The following CDON variants were observed in gnomAD, a reference collection of about 807,000 sequenced individuals.
CDON encodes cell adhesion associated, oncogene regulated.
Under a neutral mutation model 120.9 loss-of-function variants are expected in CDON, and 73 were observed. The ratio of observed to expected loss-of-function variants is 0.60; its 90% CI spans 0.50 to 0.73. CDON has a LOEUF of 0.73. Ranked by LOEUF, CDON falls within the 30% of genes least tolerant of loss-of-function variation. The pLI is 0.00. For synonymous variants in CDON, 566 were observed against 573.5 expected (o/e 0.99, Z 0.19); for missense variants, 1,470 against 1,587.3 (o/e 0.93, Z 1.26).
intron 1 of CDON, among the ~76,000 whole-genome samples, chr11:126,038,435 T>C (rs935722696): frequency 6.6e-6 from 1 of 152,130 alleles, no homozygotes; most frequent in African/African-American, 2.4e-5. Context: ...GAGGATCACC[T>C]GAGGTCAGGA....
At chr11:125,996,161 AACACACACACACACACACACACACACAC>A (rs35536827) in intron 12 of CDON, among the ~76,000 whole-genome samples, 1 of 145,934 alleles carries the variant, frequency 6.9e-6, no homozygotes, top group Non-Finnish European at 1.5e-5. Flanking sequence ...GTCACAGCAA[AACACACACACACACACACACACACACAC>A]ACACACACAC....
chr11:126,027,259 C>G lies in CDON; in HGVS notation c.-61-3722G>C, dbSNP rs185628090. On this transcript the variant is annotated intron_variant, in intron 1 of 19. Transcript: ENST00000531738. ...TGCTGTTTTATGGAGTTGGGTAGCT[C>G]GACATTAGAGTCAACAGCCAGTAAC... Among the ~76,000 whole-genome samples, 33 of 152,192 alleles carry G rather than the reference C, an allele frequency of 2.2e-4. No homozygotes were observed. The East Asian group carries it at 5.0e-3, about 23-fold the overall frequency.
intron 1 of CDON, among the ~76,000 whole-genome samples, chr11:126,037,126 A>G (rs1020288968): frequency 6.7e-5 from 10 of 148,622 alleles, no homozygotes; most frequent in African/African-American, 2.5e-4. Context: ...TGGAAGATGG[A>G]GTCTCTCTCT....
At chr11:126,030,408 C>T (rs1200129651) in intron 1 of CDON, among the ~76,000 whole-genome samples, 1 of 152,194 alleles carries the variant, frequency 6.6e-6, no homozygotes, top group African/African-American at 2.4e-5. Flanking sequence ...CATTCCTCTT[C>T]CTAGCCTCCT....
chr11:126,010,241 G>A lies in CDON; in HGVS notation c.1552+100C>T, dbSNP rs1431159303. The stretch of plus-strand genomic sequence containing the variant: ...CACTGTCATCAGGAAAAAATATAGA[G>A]AGATTGCTGGATTCATTAAAATAAC... On this transcript the variant is annotated intron_variant, in intron 8 of 19. Transcript: ENST00000531738. 11 of 850,222 alleles carry A rather than the reference G, an allele frequency of 1.3e-5. No homozygotes were observed. In the African/African-American group the frequency reaches 1.7e-4, roughly 13 times the overall value. The allele number at this position is 850,222 out of a possible 1,614,324, so 52.7% of individuals were successfully genotyped here.
chr11:126,035,856 G>A (rs1948079693), intron 1 of CDON, among the ~76,000 whole-genome samples: 1 of 152,102 alleles, frequency 6.6e-6, no homozygotes, highest in Non-Finnish European at 1.5e-5. Context: ...TGAAGTTTTA[G>A]TCCAAGCAGA....
At position 125,960,914 on chromosome 11, in the gene CDON, TG is replaced by T. The variant is rs1356358080; in HGVS notation, c.*27del. 1 of 1,612,514 alleles carries T rather than the reference TG, an allele frequency of 6.2e-7. No homozygotes were observed. The highest frequency in any genetic ancestry group is 2.2e-5 in the East Asian group (1 of 44,884). ...TTGTGTGCAGTTACCGGCTTGAAGT[TG>T]GAACATGACTGGTTGTTTGCATGTC... On this transcript the variant is annotated 3_prime_UTR_variant, in exon 20 of 20. Transcript: ENST00000531738.
chr11:126,009,923 T>C (rs543047371), intron 8 of CDON, among the ~76,000 whole-genome samples: 1 of 152,330 alleles, frequency 6.6e-6, no homozygotes, highest in African/African-American at 2.4e-5. Flanking sequence ...ACACAGGGAA[T>C]ATATACATAC....
chr11:126,010,185 GTGA>G (rs1947249648), intron 8 of CDON, among the ~76,000 whole-genome samples, 153 bp downstream of exon 8: 1 of 152,126 alleles, frequency 6.6e-6, no homozygotes, highest in Non-Finnish European at 1.5e-5. Context: ...TTCACATAAA[GTGA>G]AATACCAAGA....
intron 18 of CDON, among the ~76,000 whole-genome samples, chr11:125,971,526 A>T (rs558438272): frequency 6.6e-6 from 1 of 152,306 alleles, no homozygotes; most frequent in South Asian, 2.1e-4. Flanking sequence ...CAACACACAG[A>T]CTTTTAAGGT....
At chr11:126,022,727 TTATTAAATTTAATACAGCTA>T (rs1350243778) in intron 2 of CDON, among the ~76,000 whole-genome samples, 2 of 152,224 alleles carry the variant, frequency 1.3e-5, no homozygotes, top group African/African-American at 4.8e-5. Flanking sequence ...AATTTTCCCC[TTATTAAATTTAATACAGCTA>T]TATAGTACTT....
intron 9 of CDON, 95 bp from the exon 10 acceptor site, chr11:126,004,171 T>C: frequency 2.4e-6 from 3 of 1,252,362 alleles, no homozygotes; most frequent in Non-Finnish European, 3.4e-6. Context: ...TTCATTTAAT[T>C]CTAGAAGAGT....
chr11:125,971,569 G>A (rs578086766), intron 18 of CDON, among the ~76,000 whole-genome samples: 1 of 152,244 alleles, frequency 6.6e-6, no homozygotes, highest in African/African-American at 2.4e-5. Flanking sequence ...GTCATTTGTA[G>A]TATCTCTGTT....
chr11:126,037,269 T>C (rs1332978850), intron 1 of CDON, among the ~76,000 whole-genome samples: 1 of 151,932 alleles, frequency 6.6e-6, no homozygotes, highest in African/African-American at 2.4e-5. Context: ...CTCGGCTAAT[T>C]TTTGTATTTT....
At chr11:126,009,279 C>T (rs1041186976) in intron 8 of CDON, among the ~76,000 whole-genome samples, 6 of 152,218 alleles carry the variant, frequency 3.9e-5, no homozygotes, top group African/African-American at 1.4e-4. Flanking sequence ...GAAGGGAAAT[C>T]GTATGTGCAC....
At chr11:125,964,618 A>T (rs892887545) in intron 18 of CDON, among the ~76,000 whole-genome samples, 3 of 152,178 alleles carry the variant, frequency 2.0e-5, no homozygotes, top group Non-Finnish European at 4.4e-5. Context: ...AAAAAAAAAA[A>T]AGGTTACAAT....
intron 8 of CDON, among the ~76,000 whole-genome samples, chr11:126,008,989 G>A (rs1187925884): frequency 6.6e-6 from 1 of 152,130 alleles, no homozygotes; most frequent in African/African-American, 2.4e-5. Context: ...CACTTACTAC[G>A]CATTAACTCC....
chr11:125,981,393 CGCACACACGCAT>C (rs1316826035), intron 16 of CDON, 64 bp from the exon 17 acceptor site: 2 of 1,512,986 alleles, frequency 1.3e-6, no homozygotes, highest in African/African-American at 2.8e-5. Context: ...CATGCACATA[CGCACACACGCAT>C]GCACACATGC....
At chr11:125,994,498 A>G in intron 13 of CDON, 109 bp from the exon 14 acceptor site, 1 of 720,208 alleles carries the variant, frequency 1.4e-6, no homozygotes, top group Admixed American at 2.1e-5. Flanking sequence ...CATTTTGCAA[A>G]CATACTAATA....
Sources: gnomAD v4.1 joint callset for allele counts (sites outside exome capture counted in the v4.1 genomes callset) on GRCh38, gnomAD v4.1.1 for gene constraint, MANE v1.5 for transcripts, NCBI Gene and HGNC (gene_info 2026-07-23, HGNC 2026-07-21) for gene names.